DLGAP1: variants seen among roughly 807,000 people sequenced by gnomAD.
DLGAP1 encodes the protein DLG associated protein 1, also known as disks large-associated protein 1.
In DLGAP1, 11 loss-of-function variants were observed where a neutral mutation model predicts 90.8. That is an observed-to-expected ratio of 0.12 (90% CI 0.08 to 0.20). The LOEUF (loss-of-function observed/expected upper bound fraction) is 0.20. Ranked by LOEUF, DLGAP1 falls within the 10% of genes least tolerant of loss-of-function variation. DLGAP1 has a pLI of 1.00. For missense variants in DLGAP1, 1,050 were observed against 1,333.8 expected (o/e 0.79, Z 3.31); for synonymous variants, 558 against 540.7 (o/e 1.03, Z -0.44).
intron 1 of DLGAP1, among the ~76,000 whole-genome samples, chr18:4,300,442 T>G (rs952104807): frequency 3.3e-5 from 5 of 152,174 alleles, no homozygotes; most frequent in African/African-American, 1.2e-4. Context: ...TCCCACCCTA[T>G]GTACAGATAC....
intron 7 of DLGAP1, among the ~76,000 whole-genome samples, chr18:3,646,700 A>G (rs539157878): frequency 6.4e-4 from 98 of 152,084 alleles, no homozygotes; most frequent in African/African-American, 2.1e-3. Flanking sequence ...CGAGGCGGGC[A>G]GATCACGAGG....
At chr18:4,432,594 G>GTGTGTGTA (rs750237952) in intron 1 of DLGAP1, among the ~76,000 whole-genome samples, 5,614 of 133,306 alleles carry the variant, frequency 0.042, 107 homozygotes, top group Non-Finnish European at 0.054. Flanking sequence ...CACATAGTGT[G>GTGTGTGTA]TGTGTGTGTG....
In DLGAP1 at chr18:4,237,836, T is replaced by C. The variant is rs369214479; in HGVS notation, c.-266-86549A>G. 6.4e-4 allele frequency among the ~76,000 whole-genome samples: 98 copies of C among 152,296 alleles called. 2 individuals are homozygous for C. In the South Asian group the frequency reaches 0.013, roughly 20 times the overall value. On this transcript the variant is annotated intron_variant, in intron 1 of 12. Transcript: ENST00000315677. ...CTTTGTAATTATTTCATATCACTGA[T>C]CATGACTACTGCCAAATGAGTTATG...
intron 2 of DLGAP1, among the ~76,000 whole-genome samples, chr18:4,033,221 CA>C (rs1446835539): frequency 6.6e-6 from 1 of 151,684 alleles, no homozygotes; most frequent in Non-Finnish European, 1.5e-5. Context: ...AACATTGAAA[CA>C]GTTCAGATAA....
chr18:4,229,689 T>G (rs890974931), intron 1 of DLGAP1, among the ~76,000 whole-genome samples: 9 of 151,976 alleles, frequency 5.9e-5, no homozygotes, highest in African/African-American at 1.2e-4. Flanking sequence ...ACTAAATACT[T>G]AAATCTAAGT....
intron 12 of DLGAP1, among the ~76,000 whole-genome samples, chr18:3,500,435 T>C (rs73939832): frequency 0.022 from 3,402 of 152,258 alleles, 122 homozygotes; most frequent in African/African-American, 0.078. Context: ...TATCTTAAAA[T>C]ATAGTTTCGG....
chr18:4,395,833 C>T (rs1022162111), intron 1 of DLGAP1, among the ~76,000 whole-genome samples: 1 of 152,154 alleles, frequency 6.6e-6, no homozygotes, highest in African/African-American at 2.4e-5. Context: ...TAATCAAACG[C>T]CCAAGTAATG....
chr18:3,848,535 G>A (rs894652124), intron 4 of DLGAP1, among the ~76,000 whole-genome samples: 1 of 152,084 alleles, frequency 6.6e-6, no homozygotes, highest in African/African-American at 2.4e-5. Flanking sequence ...ACTTCAAAGT[G>A]CTGCATACAT....
chr18:3,774,105 TG>T (rs2064827483), intron 5 of DLGAP1: 1 of 152,166 alleles, frequency 6.6e-6, no homozygotes, highest in Non-Finnish European at 1.5e-5. Context: ...CGCCAACTTC[TG>T]GGTTTAGGCG....
intron 4 of DLGAP1, among the ~76,000 whole-genome samples, chr18:3,845,749 G>A (rs562006483): frequency 3.3e-5 from 5 of 152,340 alleles, no homozygotes; most frequent in African/African-American, 9.6e-5. Flanking sequence ...TGTCTGACTA[G>A]TGATGGAAAG....
At chr18:4,316,017 G>A (rs1386118715) in intron 1 of DLGAP1, among the ~76,000 whole-genome samples, 2 of 152,070 alleles carry the variant, frequency 1.3e-5, no homozygotes, top group Non-Finnish European at 2.9e-5. Context: ...AAAAACATAA[G>A]GTATAAACAC....
chr18:4,058,200 C>T (rs1345270353), intron 2 of DLGAP1, among the ~76,000 whole-genome samples: 1 of 152,214 alleles, frequency 6.6e-6, no homozygotes, highest in African/African-American at 2.4e-5. Flanking sequence ...AATGGCCTTG[C>T]ACACCTGCCA....
At chr18:3,535,662 C>T (rs528904787) in intron 9 of DLGAP1, among the ~76,000 whole-genome samples, 47 of 149,724 alleles carry the variant, frequency 3.1e-4, no homozygotes, top group Non-Finnish European at 6.1e-4. Flanking sequence ...GAGCTGAGAT[C>T]GCACCACTGC....
intron 4 of DLGAP1, among the ~76,000 whole-genome samples, chr18:3,853,256 G>A (rs578131737): frequency 4.2e-4 from 64 of 152,196 alleles, no homozygotes; most frequent in Middle Eastern, 6.8e-3. Flanking sequence ...ACATTTTCAA[G>A]GTACAGGTTG....
chr18:3,636,799 A>G (rs1039169265), intron 7 of DLGAP1, among the ~76,000 whole-genome samples: 4 of 143,658 alleles, frequency 2.8e-5, no homozygotes, highest in Non-Finnish European at 4.5e-5. Flanking sequence ...ATCTCCGCTC[A>G]CTGCAACATC....
At chr18:3,588,251 G>A (rs973294538) in intron 7 of DLGAP1, among the ~76,000 whole-genome samples, 8 of 152,044 alleles carry the variant, frequency 5.3e-5, no homozygotes, top group Non-Finnish European at 1.2e-4. Context: ...CCTGAGGTTG[G>A]GAGTTCGAGA....
At chr18:3,674,891 AT>A (rs2060243747) in intron 7 of DLGAP1, among the ~76,000 whole-genome samples, 1 of 182 alleles carries the variant, frequency 5.5e-3, no homozygotes, top group Non-Finnish European at 0.018. Context: ...CATCACCCCC[AT>A]TCACCTCCAC....
chr18:3,759,292 G>T (rs944197282), intron 5 of DLGAP1, among the ~76,000 whole-genome samples: 12 of 151,702 alleles, frequency 7.9e-5, no homozygotes, highest in Admixed American at 7.9e-4. Context: ...ACCTGATTTG[G>T]TTGGGGATTT....
At chr18:4,258,008 T>TGTGTGTGTGTGC (rs776564178) in intron 1 of DLGAP1, among the ~76,000 whole-genome samples, 3 of 140,846 alleles carry the variant, frequency 2.1e-5, no homozygotes, top group Admixed American at 1.4e-4. Context: ...TGTGTGTGTG[T>TGTGTGTGTGTGC]GTGCGCGCGC....
Sources: allele counts gnomAD v4.1 joint callset (sites outside exome capture counted in the v4.1 genomes callset), GRCh38; gene constraint gnomAD v4.1.1; transcripts MANE v1.5; gene names NCBI Gene and HGNC (gene_info 2026-07-23, HGNC 2026-07-21).